Variants in VIT observed in about 807,000 individuals in gnomAD.
VIT encodes the protein vitrin.
VIT carries 99 observed loss-of-function variants against 78.0 expected under a neutral mutation model. The observed-to-expected ratio is 1.27, with a 90% confidence interval of 1.08 to 1.50. The LOEUF (loss-of-function observed/expected upper bound fraction) is 1.50. VIT is among the 40% of genes most tolerant of loss of function. The pLI is 0.00. For synonymous variants in VIT, 374 were observed against 334.3 expected (o/e 1.12, Z -1.29); for missense variants, 1,126 against 875.3 (o/e 1.29, Z -3.61).
intron 3 of VIT, among the ~76,000 whole-genome samples, chr2:36,739,934 G>A (rs1667738869): frequency 6.6e-6 from 1 of 152,208 alleles, no homozygotes; most frequent in Non-Finnish European, 1.5e-5. Flanking sequence ...TTTCTTCAAA[G>A]GTTCCAGAAT....
At chr2:36,760,347 T>A (rs1669036513) in intron 6 of VIT, among the ~76,000 whole-genome samples, 1 of 152,162 alleles carries the variant, frequency 6.6e-6, no homozygotes, top group African/African-American at 2.4e-5. Flanking sequence ...ATTTCCTGAT[T>A]TGAGGAGCCT....
At chr2:36,809,938 C>G (rs991171909) in intron 15 of VIT, among the ~76,000 whole-genome samples, 5 of 138,592 alleles carry the variant, frequency 3.6e-5, no homozygotes, top group Non-Finnish European at 7.5e-5. Flanking sequence ...CTGCAGTGAT[C>G]TATGATTGCA....
At chr2:36,776,898 G>C (rs1006665891) in intron 9 of VIT, among the ~76,000 whole-genome samples, 8 of 151,426 alleles carry the variant, frequency 5.3e-5, no homozygotes, top group Non-Finnish European at 1.2e-4. Context: ...GACCATCCCG[G>C]CTAACACGGT....
At position 36,715,967 on chromosome 2, in the gene VIT, C is replaced by T. The variant is rs747088312; in HGVS notation, c.-18-386C>T. The stretch of plus-strand genomic sequence containing the variant: ...TAATAGGAGTTTAATAAATATTTAT[C>T]GAATGAATAGTGAAGTATTAATAAT... On this transcript the variant is annotated intron_variant, in intron 1 of 15. Transcript: ENST00000379242. 6.6e-5 allele frequency among the ~76,000 whole-genome samples: 10 copies of T among 152,052 alleles called. 1 individual carries two copies. In the South Asian group the frequency reaches 1.0e-3, roughly 16 times the overall value.
chr2:36,750,793 C>T (rs1342990828), intron 4 of VIT, among the ~76,000 whole-genome samples: 1 of 151,582 alleles, frequency 6.6e-6, no homozygotes, highest in Non-Finnish European at 1.5e-5. Context: ...TGCACTCCAG[C>T]CTGGGTGACA....
chr2:36,773,556 C>A (rs1183007474), intron 7 of VIT, among the ~76,000 whole-genome samples: 1 of 151,926 alleles, frequency 6.6e-6, no homozygotes, highest in Admixed American at 6.6e-5. Context: ...ATGGTGAAAC[C>A]CCATCTCTAC....
chr2:36,773,862 T>A lies in VIT; in HGVS notation c.736+15T>A. ...AGCTGATCCAGGTAAGACCTTAAAC[T>A]CCCTTTCCAGCCACTGATGAAAGTT... On this transcript the variant is annotated intron_variant, in intron 8 of 15. Coordinates refer to ENST00000379242, the MANE Select transcript of VIT (RefSeq NM_053276.4). 4 of 1,582,360 alleles carry A rather than the reference T, an allele frequency of 2.5e-6. No homozygotes were observed. In the South Asian group the frequency reaches 4.8e-5, roughly 19 times the overall value.
chr2:36,812,097 C>T (rs1353723363), intron 15 of VIT, among the ~76,000 whole-genome samples: 1 of 152,240 alleles, frequency 6.6e-6, no homozygotes, highest in Non-Finnish European at 1.5e-5. Flanking sequence ...CTCTCACTGA[C>T]ACCTGGCAGC....
intron 2 of VIT, 57 bp downstream of exon 2, chr2:36,716,479 A>G: frequency 1.3e-6 from 2 of 1,548,732 alleles, no homozygotes; most frequent in Non-Finnish European, 1.8e-6. Flanking sequence ...TAAGATCCAA[A>G]GAATCTAGCC....
chr2:36,760,053 G>A (rs1221042747), intron 6 of VIT, among the ~76,000 whole-genome samples: 1 of 150,286 alleles, frequency 6.7e-6, no homozygotes, highest in Non-Finnish European at 1.5e-5. Flanking sequence ...GGAGTGCAGT[G>A]GTGCGATCTC....
At chr2:36,770,247 T>A (rs1411643317) in intron 7 of VIT, among the ~76,000 whole-genome samples, 1 of 152,216 alleles carries the variant, frequency 6.6e-6, no homozygotes, top group African/African-American at 2.4e-5. Flanking sequence ...GCAAGTCGCT[T>A]CGGCTTAGGA....
intron 3 of VIT, among the ~76,000 whole-genome samples, chr2:36,730,760 T>A (rs899675410): frequency 6.6e-6 from 1 of 152,108 alleles, no homozygotes; most frequent in African/African-American, 2.4e-5. Context: ...TTTTATCGAG[T>A]GAGGGAACAA....
In VIT at chr2:36,805,606, T is replaced by C. The variant is rs1232125013; in HGVS notation, c.1331T>C (p.Ile444Thr). ...ESGINIFFIT[I>T]EGAAENEKQY... ...GGAATCAACATTTTCTTCATCACCA[T>C]TGAAGGTGCTGCTGAAAATGAGAAG... Residue 444 changes from isoleucine (I) to threonine (T), a missense_variant, in exon 14 of 16, where the codon ATT becomes ACT. Coordinates refer to ENST00000379242, the MANE Select transcript of VIT (RefSeq NM_053276.4). 3 of 1,613,952 alleles carry C rather than the reference T, an allele frequency of 1.9e-6. No individual in the cohort carries two copies. The highest frequency in any genetic ancestry group is 2.7e-5 in the African/African-American group (2 of 74,872).
chr2:36,767,868 C>T (rs1290426020), intron 7 of VIT, among the ~76,000 whole-genome samples: 5 of 152,212 alleles, frequency 3.3e-5, no homozygotes, highest in Admixed American at 3.3e-4. Flanking sequence ...CTACACCATC[C>T]TAAGTTAATA....
chr2:36,731,123 G>C (rs950007238), intron 3 of VIT, among the ~76,000 whole-genome samples: 10 of 151,864 alleles, frequency 6.6e-5, no homozygotes, highest in African/African-American at 2.4e-4. Context: ...GCTTCACCAG[G>C]GACCCACCCC....
intron 8 of VIT, among the ~76,000 whole-genome samples, chr2:36,774,120 C>T (rs191664939): frequency 5.3e-5 from 8 of 152,292 alleles, no homozygotes; most frequent in Admixed American, 4.6e-4. Context: ...CGGGCTCTTA[C>T]AGACCTGAAA....
chr2:36,813,109 G>A (rs1003745102), intron 15 of VIT, among the ~76,000 whole-genome samples: 2 of 149,520 alleles, frequency 1.3e-5, no homozygotes, highest in South Asian at 4.2e-4. Context: ...CAAAGTGCTG[G>A]GATTACAGGC....
intron 1 of VIT, among the ~76,000 whole-genome samples, chr2:36,698,746 C>T (rs1664828723): frequency 6.6e-6 from 1 of 152,056 alleles, no homozygotes; most frequent in Admixed American, 6.6e-5. Flanking sequence ...GAGTTCGAGA[C>T]CAGCCTGGCC....
intron 7 of VIT, among the ~76,000 whole-genome samples, chr2:36,770,791 T>C (rs1669698972): frequency 6.6e-6 from 1 of 152,322 alleles, no homozygotes; most frequent in East Asian, 1.9e-4. Flanking sequence ...TTTGTTTTCT[T>C]AATCAGGTTC....
Sources: allele counts gnomAD v4.1 joint callset (sites outside exome capture counted in the v4.1 genomes callset), GRCh38; gene constraint gnomAD v4.1.1; transcripts MANE v1.5; gene names NCBI Gene and HGNC (gene_info 2026-07-23, HGNC 2026-07-21).